The following ABTB3 variants were observed in gnomAD, a reference collection of about 807,000 sequenced individuals.
ABTB3 encodes the protein ankyrin repeat- and BTB/POZ domain-containing protein 3.
chr12:107,608,333 T>C, the ABTB3 span, among the ~76,000 whole-genome samples: 3 of 152,284 alleles, frequency 2.0e-5, no homozygotes, highest in Admixed American at 2.0e-4. Flanking sequence ...CGTCCTCTCA[T>C]AGGGCTGGCC....
chr12:107,544,787 A>G, the ABTB3 span, among the ~76,000 whole-genome samples: 2 of 152,190 alleles, frequency 1.3e-5, no homozygotes, highest in African/African-American at 4.8e-5. Flanking sequence ...GGTGTGACCC[A>G]TTTATCAAAA....
the ABTB3 span, among the ~76,000 whole-genome samples, chr12:107,526,540 G>T: frequency 6.6e-6 from 1 of 152,008 alleles, no homozygotes; most frequent in African/African-American, 2.4e-5. Flanking sequence ...ACCTTGTCTT[G>T]GCTCTTCTGC....
the ABTB3 span, among the ~76,000 whole-genome samples, chr12:107,354,677 G>A: frequency 1.3e-5 from 2 of 152,188 alleles, no homozygotes; most frequent in South Asian, 4.2e-4. Flanking sequence ...TCTGCTTTTT[G>A]GCTATTATGA....
the ABTB3 span, among the ~76,000 whole-genome samples, chr12:107,581,849 C>T: frequency 6.6e-6 from 1 of 152,196 alleles, no homozygotes; most frequent in African/African-American, 2.4e-5. Flanking sequence ...AATAAAAGAA[C>T]TCACTCAGGT....
the ABTB3 span, among the ~76,000 whole-genome samples, chr12:107,536,509 C>G: frequency 1.3e-5 from 2 of 151,834 alleles, no homozygotes; most frequent in South Asian, 2.1e-4. Flanking sequence ...GGACTAATGT[C>G]CGTAATAGAC....
At chr12:107,415,675 T>C in the ABTB3 span, among the ~76,000 whole-genome samples, 1 of 150,324 alleles carries the variant, frequency 6.7e-6, no homozygotes, top group Non-Finnish European at 1.5e-5. Context: ...GCCACTGCAC[T>C]CCAGCCTGGG....
chr12:107,482,318 A>C, the ABTB3 span, among the ~76,000 whole-genome samples: 2 of 152,266 alleles, frequency 1.3e-5, no homozygotes, highest in African/African-American at 2.4e-5. Flanking sequence ...GGCCTGGAGA[A>C]CAAGAGGTGA....
the ABTB3 span, among the ~76,000 whole-genome samples, chr12:107,415,331 G>T: frequency 6.6e-6 from 1 of 151,988 alleles, no homozygotes; most frequent in Non-Finnish European, 1.5e-5. Context: ...TTTTCTTATT[G>T]GTTTGTTCAT....
At chr12:107,350,507 C>T in the ABTB3 span, among the ~76,000 whole-genome samples, 2 of 151,342 alleles carry the variant, frequency 1.3e-5, no homozygotes, top group Non-Finnish European at 2.9e-5. Context: ...GGGCCAAGAT[C>T]TGCACTCCAG....
chr12:107,483,671 A>T, the ABTB3 span, among the ~76,000 whole-genome samples: 2 of 152,052 alleles, frequency 1.3e-5, no homozygotes, highest in Non-Finnish European at 2.9e-5. Flanking sequence ...GACATTAGCT[A>T]GGTGGTCCAT....
At chr12:107,402,856 G>C in the ABTB3 span, among the ~76,000 whole-genome samples, 1 of 152,158 alleles carries the variant, frequency 6.6e-6, no homozygotes, top group Admixed American at 6.5e-5. Flanking sequence ...CCAGTCAATT[G>C]AATACCTGTG....
the ABTB3 span, among the ~76,000 whole-genome samples, chr12:107,616,016 T>C: frequency 1.3e-5 from 2 of 152,118 alleles, no homozygotes; most frequent in Non-Finnish European, 2.9e-5. Flanking sequence ...TGTTGTTTCC[T>C]GGGTCATGAG....
the ABTB3 span, among the ~76,000 whole-genome samples, chr12:107,368,566 T>C: frequency 2.0e-5 from 3 of 152,320 alleles, no homozygotes; most frequent in African/African-American, 7.2e-5. Context: ...ACAATCTCCT[T>C]TCACTTGTTC....
chr12:107,481,187 A>C, the ABTB3 span, among the ~76,000 whole-genome samples: 5 of 152,172 alleles, frequency 3.3e-5, no homozygotes, highest in African/African-American at 4.8e-5. Context: ...GAGGAAAAAG[A>C]AGTCTTGACT....
chr12:107,526,531 C>T, the ABTB3 span, among the ~76,000 whole-genome samples: 3 of 152,128 alleles, frequency 2.0e-5, no homozygotes, highest in Admixed American at 2.0e-4. Context: ...TCCTCTGAGA[C>T]CTTGTCTTGG....
At chr12:107,570,494 G>C in the ABTB3 span, among the ~76,000 whole-genome samples, 1 of 152,196 alleles carries the variant, frequency 6.6e-6, no homozygotes, top group South Asian at 2.1e-4. Flanking sequence ...GGATTACAGG[G>C]ATGAGCCACC....
the ABTB3 span, among the ~76,000 whole-genome samples, chr12:107,455,277 A>G: frequency 1.3e-5 from 2 of 152,204 alleles, no homozygotes; most frequent in African/African-American, 2.4e-5. Context: ...CAAGTTTTCT[A>G]AAGAAATACT....
the ABTB3 span, among the ~76,000 whole-genome samples, chr12:107,578,675 G>A: frequency 1.3e-5 from 2 of 152,088 alleles, no homozygotes; most frequent in Non-Finnish European, 2.9e-5. Context: ...AATAAGTTCT[G>A]CTCACCTGAG....
the ABTB3 span, among the ~76,000 whole-genome samples, chr12:107,551,753 TTC>T: frequency 1.4e-5 from 2 of 139,656 alleles, no homozygotes; most frequent in South Asian, 2.1e-4. Context: ...GGTTATAATC[TTC>T]TTTTTTTTTT....
Sources: allele counts gnomAD v4.1 joint callset (sites outside exome capture counted in the v4.1 genomes callset), GRCh38; gene constraint gnomAD v4.1.1; transcripts MANE v1.5; gene names NCBI Gene and HGNC (gene_info 2026-07-23, HGNC 2026-07-21).